The following FBXL6 variants were observed in gnomAD, a reference collection of about 807,000 sequenced individuals.
FBXL6 encodes F-box/LRR-repeat protein 6.
A neutral mutation model predicts 53.3 loss-of-function variants in FBXL6; 50 were observed. That is an observed-to-expected ratio of 0.94 (90% CI 0.75 to 1.19). The LOEUF (loss-of-function observed/expected upper bound fraction) is 1.19, where lower values mean the gene tolerates loss of function less well. Ranked by LOEUF, FBXL6 falls within the 50% of genes most tolerant of loss-of-function variation. FBXL6 has a pLI of 0.00. For synonymous variants in FBXL6, 405 were observed against 322.9 expected, an observed-to-expected ratio of 1.25 and a Z score of -2.73; for missense variants, 815 against 719.0, an observed-to-expected ratio of 1.13 and a Z score of -1.53.
chr8:144,358,017 C>T lies in FBXL6; in HGVS notation c.416+15G>A. On this transcript the variant is annotated intron_variant, in intron 1 of 8. Transcript: ENST00000331890. The stretch of plus-strand genomic sequence containing the variant: ...AAGCCGCTACGCTCGGCGGCGGGCC[C>T]GGCACCAGCGTTACCTGCCCAGGAA... 6.3e-7 allele frequency: 1 copy of T among 1,582,096 alleles called. No individual in the cohort carries two copies. Among genetic ancestry groups the T allele is most frequent in the Non-Finnish European group, 8.5e-7 (1 of 1,171,446 alleles).
In FBXL6 at chr8:144,356,596, G is replaced by A; in HGVS notation, c.993+4C>T. On this transcript the variant is annotated splice_donor_region_variant and intron_variant, in intron 6 of 8. Transcript: ENST00000331890. ...ACAGGTGGGAGAGGCAGGGCGCCAG[G>A]TACCTGGAGCTGAGGGCAGCCTTTC... 3 of 1,612,920 alleles carry A rather than the reference G, an allele frequency of 1.9e-6. No individual in the cohort carries two copies. Among genetic ancestry groups the A allele is most frequent in the East Asian group, 2.2e-5 (1 of 44,886 alleles).
rs782126106 is a variant in FBXL6, at chr8:144,355,601, C to T, written c.1550G>A (p.Arg517Gln). The change falls in exon 9 of 9, where the codon CGG (arginine) becomes CAG (glutamine). Residue 517 changes from arginine (R) to glutamine (Q), a missense_variant. Physicochemically the swap from Arg to Gln is conservative, Grantham distance 43 (BLOSUM62 1). Coordinates refer to ENST00000331890, the MANE Select transcript of FBXL6 (RefSeq NM_012162.4). ...SCRCLPRGLK[R>Q]AYRGLEEVQW... ...GACTTCCTCCAGGCCCCGGTAGGCC[C>T]GCTTCAGACCCCGGGGAAGGCAGCG... 25 of 1,611,088 alleles carry T rather than the reference C, an allele frequency of 1.6e-5. 1 individual carries two copies. In the South Asian group the frequency reaches 2.1e-4, roughly 13 times the overall value.
rs782173327 is a variant in FBXL6, at chr8:144,356,931, A to G, written c.772-16T>C. 1 of 1,613,158 alleles carries G rather than the reference A, an allele frequency of 6.2e-7. No homozygotes were observed. Among genetic ancestry groups the G allele is most frequent in the Admixed American group, 1.7e-5 (1 of 60,022 alleles). ...TGGACTCCACCTGGGGCCCCAATAC[A>G]AGAGCACCCGTCACCCCGGCCTGGG... On this transcript the variant is annotated splice_polypyrimidine_tract_variant and intron_variant, in intron 4 of 8. Coordinates refer to ENST00000331890, the MANE Select transcript of FBXL6 (RefSeq NM_012162.4).
chr8:144,357,413 T>G (rs552971680), intron 3 of FBXL6, 26 bp downstream of exon 3: 1 of 1,605,052 alleles, frequency 6.2e-7, no homozygotes, highest in South Asian at 1.1e-5. Context: ...TCACAGCTGA[T>G]GTGCAGGACA....
Position 144,357,089 on chromosome 8 carries a change from G to C in FBXL6, c.672C>G (p.Phe224Leu). Residue 224 changes from phenylalanine (F) to leucine (L), a missense_variant, in exon 4 of 9, where the codon TTC becomes TTG. By Grantham distance (22) the Phe-to-Leu change is conservative. Transcript: ENST00000331890. ...LVGECCPRLT[F>L]LKLSGCHGVT... ...CACCGTGGCAGCCGGAGAGCTTGAG[G>C]AAAGTGAGCCGAGGACAGCACTCAC... The C allele has an allele frequency of 3.1e-6, 5 of 1,612,972 alleles. No homozygotes were observed. Among genetic ancestry groups the C allele is most frequent in the Non-Finnish European group, 4.2e-6 (5 of 1,180,024 alleles).
Position 144,357,533 on chromosome 8 carries a change from A to T in FBXL6, c.576-31T>A, listed in dbSNP as rs576723144. ...CCGACAGCGGAGGCAGAGCTGCACT[A>T]ATGTTCCCACACGAGTCCTTCCCAC... On this transcript the variant is annotated intron_variant, in intron 2 of 8. Coordinates refer to ENST00000331890, the MANE Select transcript of FBXL6 (RefSeq NM_012162.4). The T allele has an allele frequency of 1.6e-5, 26 of 1,613,068 alleles. No homozygotes were observed. The South Asian group carries it at 2.7e-4, about 17-fold the overall frequency.
In FBXL6 at chr8:144,358,132, CT is replaced by C; in HGVS notation, c.315del (p.Asp108ThrfsTer53). ...PAPAPTPTPE[E>X]GPDAGWGDRI... is the part of the protein sequence containing the mutation. ...CGGTCTCCCCAGCCCGCGTCGGGCC[CT>C]TCCTCGGGCGTGGGCGTGGGTGCCG... On this transcript the variant is annotated frameshift_variant, in exon 1 of 9. Coordinates refer to ENST00000331890, the MANE Select transcript of FBXL6 (RefSeq NM_012162.4). LOFTEE classifies it high-confidence loss of function. 6.4e-7 allele frequency: 1 copy of C among 1,567,638 alleles called. No individual in the cohort carries two copies. The highest frequency in any genetic ancestry group is 8.6e-7 in the Non-Finnish European group (1 of 1,163,528).
chr8:144,357,170 A>G (rs782596489), intron 3 of FBXL6, 49 bp from the exon 4 acceptor site: 2 of 1,609,448 alleles, frequency 1.2e-6, no homozygotes, highest in South Asian at 1.1e-5. Context: ...ACAGGCTAAG[A>G]TCCACAAGGG....
At chr8:144,356,956 G>C in intron 4 of FBXL6, 34 bp downstream of exon 4, 3 of 1,613,096 alleles carry the variant, frequency 1.9e-6, no homozygotes, top group Non-Finnish European at 2.5e-6. Context: ...CCCGGCCTGG[G>C]TTTTTTCAGG....
At chr8:144,357,215 C>T in intron 3 of FBXL6, 94 bp from the exon 4 acceptor site, 1 of 1,531,222 alleles carries the variant, frequency 6.5e-7, no homozygotes, top group Non-Finnish European at 8.9e-7. Context: ...CCCCACTCTA[C>T]CGCCTTAGCT....
Position 144,357,165 on chromosome 8 carries a change from C to T in FBXL6, c.640-44G>A, listed in dbSNP as rs782672318. 6 of 1,609,898 alleles carry T rather than the reference C, an allele frequency of 3.7e-6. No individual in the cohort carries two copies. In the African/African-American group the frequency reaches 4.0e-5, roughly 11 times the overall value. The stretch of plus-strand genomic sequence containing the variant: ...GCAGCTGGGGTTGGGAGACGACAGG[C>T]TAAGATCCACAAGGGAAACAGACAA... On this transcript the variant is annotated intron_variant, in intron 3 of 8. Transcript: ENST00000331890.
At position 144,356,822 on chromosome 8, in the gene FBXL6, G is replaced by A. The variant is rs782697742; in HGVS notation, c.865C>T (p.Leu289=). The A allele has an allele frequency of 6.2e-7, 1 of 1,613,356 alleles. No individual in the cohort carries two copies. The highest frequency in any genetic ancestry group is 8.5e-7 in the Non-Finnish European group (1 of 1,180,020). Reference sequence around the variant, plus strand: ...TGCCAACTTACCAGCAGTGCGCCCAGGATGGCTGTCGTCTGGGAGCTGTAG... The same window carrying A: ...TGCCAACTTACCAGCAGTGCGCCCAAGATGGCTGTCGTCTGGGAGCTGTAG... ...LTYSSQTTAI[L]GALLGSCCPQ... is the part of the protein sequence containing the mutation. Residue 289 remains leucine, a synonymous_variant, in exon 5 of 9, where the codon CTG becomes TTG. Coordinates refer to ENST00000331890, the MANE Select transcript of FBXL6 (RefSeq NM_012162.4).
intron 3 of FBXL6, 143 bp from the exon 4 acceptor site, chr8:144,357,264 T>A (rs1293694437): frequency 7.7e-7 from 1 of 1,299,294 alleles, no homozygotes; most frequent in Non-Finnish European, 1.1e-6. Flanking sequence ...TACTTGGGTG[T>A]CCCCGCCTCT....
chr8:144,355,621 G>A lies in FBXL6; in HGVS notation c.1530C>T (p.Cys510=). 6.2e-7 allele frequency: 1 copy of A among 1,611,226 alleles called. No individual in the cohort carries two copies. The highest frequency in any genetic ancestry group is 1.1e-5 in the South Asian group (1 of 91,006). ...AGGCCCGCTTCAGACCCCGGGGAAG[G>A]CAGCGGCAGGACTCCAGGTTGAGGT... ...LLYLNLESCR[C]LPRGLKRAYR... The change falls in exon 9 of 9, where the codon TGC becomes TGT. Residue 510 remains cysteine, a synonymous_variant. Transcript: ENST00000331890.
At position 144,356,611 on chromosome 8, in the gene FBXL6, G is replaced by A; in HGVS notation, c.982C>T (p.Pro328Ser). The change falls in exon 6 of 9, where the codon CCT becomes TCT. Residue 328 changes from proline to serine, a missense_variant. By Grantham distance (74) the Pro-to-Ser change is moderately conservative. Coordinates refer to ENST00000331890, the MANE Select transcript of FBXL6 (RefSeq NM_012162.4). ...LPVEALQKGC[P>S]QLQVLRLLNL... ...AGGGCGCCAGGTACCTGGAGCTGAGGGCAGCCTTTCTGCAGAGCCTCGACA... is the reference window on the plus strand; with the variant it reads ...AGGGCGCCAGGTACCTGGAGCTGAGAGCAGCCTTTCTGCAGAGCCTCGACA... 3.1e-6 allele frequency: 5 copies of A among 1,613,010 alleles called. No homozygotes were observed. The highest frequency in any genetic ancestry group is 1.7e-5 in the Admixed American group (1 of 60,016).
At position 144,355,542 on chromosome 8, in the gene FBXL6, AG is replaced by A. The variant is rs782769335; in HGVS notation, c.1608del (p.Ser537HisfsTer27). 6.2e-7 allele frequency: 1 copy of A among 1,609,470 alleles called. No individual in the cohort carries two copies. The highest frequency in any genetic ancestry group is 1.1e-5 in the South Asian group (1 of 90,980). On this transcript the variant is annotated frameshift_variant, in exon 9 of 9. Transcript: ENST00000331890. LOFTEE classifies it high-confidence loss of function. ...QWCLEQLLTS[P>X]SPS ...AGGTCTGTGGCTGCCTAGCTGGGTG[AG>A]GGGCTGGTGAGCAGCTGCTCCAGAC...
chr8:144,358,447 T>TA lies in FBXL6; in HGVS notation c.-1_1insT. On this transcript the variant is annotated 5_prime_UTR_variant, in exon 1 of 9. Transcript: ENST00000331890. The stretch of plus-strand genomic sequence containing the variant: ...ACCTGCCGGGAGGCTGGGGCAGCCA[T>TA]GACCACCGACGGCGCTCGGGGAAGC... The TA allele has an allele frequency of 8.1e-7, 1 of 1,241,390 alleles. No homozygotes were observed. The highest frequency in any genetic ancestry group is 1.0e-6 in the Non-Finnish European group (1 of 992,952). 76.9% of individuals were successfully genotyped at this position (1,241,390 alleles called of 1,614,324 possible).
rs371851542 is a variant in FBXL6 at position 144,356,153 on chromosome 8, C to G, written c.1287G>C (p.Glu429Asp). 29 of 1,612,868 alleles carry G rather than the reference C, an allele frequency of 1.8e-5. No individual in the cohort carries two copies. In the Admixed American group the frequency reaches 3.0e-4, roughly 17 times the overall value. The part of the protein sequence containing the change: ...GTSDRLTLAK[E>D]GSPFLTQKWC... Reference sequence around the variant, plus strand: ...ACTTCTGGGTCAAAAAGGGGCTGCCCTCCTTGGCTAGAGTCAGCCGGTCTG... The same window carrying G: ...ACTTCTGGGTCAAAAAGGGGCTGCCGTCCTTGGCTAGAGTCAGCCGGTCTG... The change falls in exon 8 of 9, where the codon GAG becomes GAC. Residue 429 changes from glutamate (E) to aspartate (D), a missense_variant. Coordinates refer to ENST00000331890, the MANE Select transcript of FBXL6 (RefSeq NM_012162.4).
chr8:144,357,523 G>A, intron 2 of FBXL6, 21 bp from the exon 3 acceptor site: 3 of 1,613,358 alleles, frequency 1.9e-6, no homozygotes, highest in Non-Finnish European at 2.5e-6. Flanking sequence ...AGCGGAGGCA[G>A]AGCTGCACTA....
Sources: allele counts gnomAD v4.1 joint callset, GRCh38; gene constraint gnomAD v4.1.1; transcripts MANE v1.5; gene names NCBI Gene and HGNC (gene_info 2026-07-23, HGNC 2026-07-21).